CA12: variants seen among roughly 807,000 people sequenced by gnomAD.
CA12 encodes carbonate dehydratase XII.
Under a neutral mutation model 46.8 loss-of-function variants are expected in CA12, and 36 were observed. The ratio of observed to expected loss-of-function variants is 0.77; its 90% CI spans 0.59 to 1.02. CA12 has a LOEUF of 1.02. Ranked by LOEUF, CA12 falls within the 50% of genes least tolerant of loss-of-function variation. CA12 has a pLI of 0.00. For synonymous variants in CA12, 202 were observed against 187.0 expected (o/e 1.08, Z -0.65); for missense variants, 436 against 451.4 (o/e 0.97, Z 0.31).
chr15:63,340,284 T>C lies in CA12; in HGVS notation c.747+4A>G. 6.2e-7 allele frequency: 1 copy of C among 1,614,138 alleles called. No individual in the cohort carries two copies. The highest frequency in any genetic ancestry group is 8.5e-7 in the Non-Finnish European group (1 of 1,180,018). On this transcript the variant is annotated splice_donor_region_variant and intron_variant, in intron 7 of 10. Coordinates refer to ENST00000178638, the MANE Select transcript of CA12 (RefSeq NM_001218.5). The surrounding 1 kb of genome is among the most constrained non-coding windows in gnomAD (Gnocchi z 4.4). ...ACTCTGGCTGAGTCTGGCACGACAG[T>C]TACCTGCTCCTGGGAAATTTGCACG... is the stretch of plus-strand genomic sequence containing the variant.
At position 63,370,153 on chromosome 15, in the gene CA12, C is replaced by T. The variant is rs141235498; in HGVS notation, c.106+5505G>A. ...TCCATGGGATTTGGGGATAGGAATT[C>T]AGTGTGCTGGTATGAAAAACATGTC... On this transcript the variant is annotated intron_variant, in intron 2 of 10. Transcript: ENST00000178638. Among the ~76,000 whole-genome samples, 4 of 152,276 alleles carry T rather than the reference C, an allele frequency of 2.6e-5. No individual in the cohort carries two copies. In the East Asian group the frequency reaches 7.7e-4, roughly 29 times the overall value.
chr15:63,381,017 GTGTGTGTGTGTGTGTGTGTGTGGTT>G (rs1363897407), intron 1 of CA12, among the ~76,000 whole-genome samples: 1 of 138,106 alleles, frequency 7.2e-6, no homozygotes, highest in Non-Finnish European at 1.7e-5. Context: ...TATGCTGTGT[GTGTGTGTGTGTGTGTGTGTGTGGTT>G]TGTGTGCGTG....
Position 63,346,607 on chromosome 15 carries a change from C to T in CA12, c.209G>A (p.Ser70Asn), listed in dbSNP as rs766387668. The T allele has an allele frequency of 1.9e-6, 3 of 1,610,986 alleles. No homozygotes were observed. Among genetic ancestry groups the T allele is most frequent in the East Asian group, 2.2e-5 (1 of 44,582 alleles). The change falls in exon 3 of 11, where the codon AGC (serine) becomes AAC (asparagine). Residue 70 changes from serine to asparagine, a missense_variant. Transcript: ENST00000178638. ...LHSDILQYDA[S>N]LTPLEFQGYN... is the part of the protein sequence containing the mutation. ...GCCTTGGAACTCGAGGGGCGTGAGG[C>T]TGGCGTCATACTGGAGGATGTCACT...
At chr15:63,366,983 A>G (rs1567053524) in intron 2 of CA12, among the ~76,000 whole-genome samples, 1 of 152,120 alleles carries the variant, frequency 6.6e-6, no homozygotes, top group Non-Finnish European at 1.5e-5. Context: ...GTGCAGTGGT[A>G]TGATCTTGGC....
intron 2 of CA12, among the ~76,000 whole-genome samples, chr15:63,351,153 A>T (rs559849378): frequency 8.8e-4 from 134 of 152,336 alleles, no homozygotes; most frequent in African/African-American, 3.2e-3. Context: ...TTACAGCTTG[A>T]TGGTGGAATG....
rs971604887 is a variant in CA12, at chr15:63,341,226, TA to T, written c.526-444del. ...CAGAAGACATTCCTCTATCTTGGGA[TA>T]AAAAAAGAATTCATTCCAGGGTACA... On this transcript the variant is annotated intron_variant, in intron 5 of 10. Transcript: ENST00000178638. The surrounding 1 kb of genome is among the most constrained non-coding windows in gnomAD (Gnocchi z 5.2). Among the ~76,000 whole-genome samples the T allele has an allele frequency of 2.0e-5, 3 of 151,752 alleles. No individual in the cohort carries two copies. Among genetic ancestry groups the T allele is most frequent in the African/African-American group, 7.3e-5 (3 of 41,310 alleles).
chr15:63,368,282 C>T (rs2039459818), intron 2 of CA12, among the ~76,000 whole-genome samples: 1 of 152,222 alleles, frequency 6.6e-6, no homozygotes, highest in South Asian at 2.1e-4. Flanking sequence ...ATCTCTCTTT[C>T]TTGGCCTGGT....
In CA12 at chr15:63,372,736, A is replaced by G. The variant is rs1286229274; in HGVS notation, c.106+2922T>C. On this transcript the variant is annotated intron_variant, in intron 2 of 10. Coordinates refer to ENST00000178638, the MANE Select transcript of CA12 (RefSeq NM_001218.5). This position sits in a 1 kb window ranked among gnomAD's most constrained non-coding sequence, Gnocchi z 4.5. ...AGCTGCCAGCCAGGACCTAAGGAGG[A>G]GCTAGCCAAGACCTCAGGAGGAGTT... is the stretch of plus-strand genomic sequence containing the variant. Among the ~76,000 whole-genome samples, 1 of 152,166 alleles carries G rather than the reference A, an allele frequency of 6.6e-6. No homozygotes were observed. Among genetic ancestry groups the G allele is most frequent in the Non-Finnish European group, 1.5e-5 (1 of 68,034 alleles).
intron 2 of CA12, among the ~76,000 whole-genome samples, chr15:63,351,281 C>T (rs926951024): frequency 1.4e-4 from 22 of 152,190 alleles, no homozygotes; most frequent in African/African-American, 7.2e-5. Context: ...GTTAGGCCCT[C>T]GCCATGTCAC....
At chr15:63,358,647 C>T (rs1448562256) in intron 2 of CA12, among the ~76,000 whole-genome samples, 1 of 152,186 alleles carries the variant, frequency 6.6e-6, no homozygotes, top group Non-Finnish European at 1.5e-5. Context: ...AGACAGCAGG[C>T]CGGGGGAAAT....
rs2038940451 is a variant in CA12 at position 63,331,748 on chromosome 15, C to T, written c.875-3618G>A. 6.6e-6 allele frequency: 1 copy of T among 152,258 alleles called. No homozygotes were observed. The highest frequency in any genetic ancestry group is 1.9e-4 in the East Asian group (1 of 5,190). The allele number at this position is 152,258 out of a possible 1,614,324, so 9.4% of individuals were successfully genotyped here. Reference sequence around the variant, plus strand: ...GAGAAGGTCGGTGAGCTGCTTGCCACAAGGGCCTTGCTACCTGTTCTGGCA... The same window carrying T: ...GAGAAGGTCGGTGAGCTGCTTGCCATAAGGGCCTTGCTACCTGTTCTGGCA... On this transcript the variant is annotated intron_variant, in intron 8 of 10. Transcript: ENST00000178638. This position sits in a 1 kb window ranked among gnomAD's most constrained non-coding sequence, Gnocchi z 5.3.
Position 63,374,096 on chromosome 15 carries a change from A to T in CA12, c.106+1562T>A, listed in dbSNP as rs1420285622. ...CACCAAGTAACTCTTCCTAAAACAC[A>T]GACTTACTCCCTGCCCTGCCCCTCC... On this transcript the variant is annotated intron_variant, in intron 2 of 10. Transcript: ENST00000178638. This position sits in a 1 kb window ranked among gnomAD's most constrained non-coding sequence, Gnocchi z 4.4. 6.6e-6 allele frequency among the ~76,000 whole-genome samples: 1 copy of T among 151,974 alleles called. No individual in the cohort carries two copies. The highest frequency in any genetic ancestry group is 1.5e-5 in the Non-Finnish European group (1 of 67,988).
In CA12 at chr15:63,326,208, G is replaced by A. The variant is rs188320023; in HGVS notation, c.*77C>T. 176 of 1,080,938 alleles carry A rather than the reference G, an allele frequency of 1.6e-4. No homozygotes were observed. The East Asian group carries it at 2.8e-3, about 17-fold the overall frequency. 67.0% of individuals were successfully genotyped at this position (1,080,938 alleles called of 1,614,324 possible). A position where few individuals can be genotyped will look rare whatever the true frequency, so the allele number is the denominator to read the frequency against. On this transcript the variant is annotated 3_prime_UTR_variant, in exon 11 of 11. Coordinates refer to ENST00000178638, the MANE Select transcript of CA12 (RefSeq NM_001218.5). ...GCTACAGAGAACACCTTGAGGTGTC[G>A]CAAGTGTCCAGAGAGCCGAAGTGTG...
chr15:63,335,029 C>T (rs557897064), intron 8 of CA12, among the ~76,000 whole-genome samples: 1 of 152,292 alleles, frequency 6.6e-6, no homozygotes, highest in East Asian at 1.9e-4. Context: ...ACAATGAGTT[C>T]TGGGCCGCAG....
intron 8 of CA12, among the ~76,000 whole-genome samples, chr15:63,336,240 G>C (rs1464567094): frequency 6.6e-6 from 1 of 152,150 alleles, no homozygotes; most frequent in Admixed American, 6.5e-5. Context: ...ATCCAGACTG[G>C]GAGAATCTAC....
At chr15:63,364,195 G>A (rs907477066) in intron 2 of CA12, among the ~76,000 whole-genome samples, 1 of 150,986 alleles carries the variant, frequency 6.6e-6, no homozygotes, top group African/African-American at 2.4e-5. Context: ...AAGTGGGGGG[G>A]CGGTGAGGAG....
In CA12 at chr15:63,378,018, C is replaced by T. The variant is rs2039598820; in HGVS notation, c.86-2340G>A. 6.6e-6 allele frequency among the ~76,000 whole-genome samples: 1 copy of T among 152,212 alleles called. No homozygotes were observed. The highest frequency in any genetic ancestry group is 1.5e-5 in the Non-Finnish European group (1 of 68,040). On this transcript the variant is annotated intron_variant, in intron 1 of 10. Transcript: ENST00000178638. The surrounding 1 kb of genome is among the most constrained non-coding windows in gnomAD (Gnocchi z 4.8). ...TAGGGAATCTTCAAGTCTCCTCAAT[C>T]TTTGGAGTAGTTAAGTGGAGGAGTC...
chr15:63,351,980 C>T (rs1219526895), intron 2 of CA12, among the ~76,000 whole-genome samples: 1 of 152,056 alleles, frequency 6.6e-6, no homozygotes, highest in Non-Finnish European at 1.5e-5. Context: ...AGAAATTTAG[C>T]CATAAAGGGA....
At position 63,374,355 on chromosome 15, in the gene CA12, C is replaced by T. The variant is rs1370260972; in HGVS notation, c.106+1303G>A. Among the ~76,000 whole-genome samples, 2 of 152,210 alleles carry T rather than the reference C, an allele frequency of 1.3e-5. No individual in the cohort carries two copies. Among genetic ancestry groups the T allele is most frequent in the African/African-American group, 4.8e-5 (2 of 41,460 alleles). On this transcript the variant is annotated intron_variant, in intron 2 of 10. Coordinates refer to ENST00000178638, the MANE Select transcript of CA12 (RefSeq NM_001218.5). The surrounding 1 kb of genome is among the most constrained non-coding windows in gnomAD (Gnocchi z 4.4). ...CTTCCAAGGCCCAGGTGAAAGCCCT[C>T]CTCCTCCAGGAGGCCTTCCCTGACC...
Sources: gnomAD v4.1 joint callset for allele counts (sites outside exome capture counted in the v4.1 genomes callset) on GRCh38, gnomAD v4.1.1 for gene constraint, Gnocchi (gnomAD v3.1) non-coding constraint, MANE v1.5 for transcripts, NCBI Gene and HGNC (gene_info 2026-07-23, HGNC 2026-07-21) for gene names.